The following VPS9D1 variants were observed in gnomAD, a reference collection of about 807,000 sequenced individuals.
VPS9D1 encodes VPS9 domain containing 1.
In VPS9D1, 78 loss-of-function variants were observed where a neutral mutation model predicts 75.8. That is an observed-to-expected ratio of 1.03 (90% CI 0.86 to 1.24). VPS9D1 has a LOEUF of 1.24. Ranked by LOEUF, VPS9D1 falls within the 50% of genes most tolerant of loss-of-function variation. The pLI is 0.00. For missense variants in VPS9D1, 1,057 were observed against 847.7 expected, an observed-to-expected ratio of 1.25 and a Z score of -3.07; for synonymous variants, 481 against 385.6, an observed-to-expected ratio of 1.25 and a Z score of -2.90.
chr16:89,715,526 A>ATTTT (rs756753465), intron 4 of VPS9D1, among the ~76,000 whole-genome samples: 1 of 136,744 alleles, frequency 7.3e-6, no homozygotes, highest in East Asian at 2.2e-4. Flanking sequence ...GCGCCCGGTC[A>ATTTT]TTTTTTTTTT....
chr16:89,709,828 A>G lies in VPS9D1; in HGVS notation c.1337T>C (p.Ile446Thr). The part of the protein sequence containing the change: ...AASKDRCLAC[I>T]EEPFFSPLWP... ...CAGCGGGGAGAAAAAGGGTTCCTCAATGCAGGCCAGGCAGCGGTCCTTGGA... is the reference window on the plus strand; with the variant it reads ...CAGCGGGGAGAAAAAGGGTTCCTCAGTGCAGGCCAGGCAGCGGTCCTTGGA... The change falls in exon 11 of 15, where the codon ATT (isoleucine) becomes ACT (threonine). Residue 446 changes from isoleucine to threonine, a missense_variant. Ile to Thr is a moderately conservative substitution (Grantham distance 89). Transcript: ENST00000389386. 1 of 1,613,824 alleles carries G rather than the reference A, an allele frequency of 6.2e-7. No individual in the cohort carries two copies. The highest frequency in any genetic ancestry group is 8.5e-7 in the Non-Finnish European group (1 of 1,179,922).
Position 89,709,685 on chromosome 16 carries a change from A to G in VPS9D1, c.1388+92T>C. 3.8e-6 allele frequency: 6 copies of G among 1,582,632 alleles called. No individual in the cohort carries two copies. The Middle Eastern group carries it at 8.0e-4, about 212-fold the overall frequency. On this transcript the variant is annotated intron_variant, in intron 11 of 14. Transcript: ENST00000389386. The stretch of plus-strand genomic sequence containing the variant: ...AACACGAGTCTTGGGGATGGAGGGG[A>G]GCAGACAGTGCCAGGGAGCAGGGCA...
At chr16:89,712,429 C>T (rs770158233) in intron 6 of VPS9D1, 31 bp downstream of exon 6, 6 of 1,611,196 alleles carry the variant, frequency 3.7e-6, no homozygotes, top group Middle Eastern at 1.8e-4. Context: ...AGTTTCCCCT[C>T]GGGGACCACC....
chr16:89,719,645 A>C (rs549601687), intron 1 of VPS9D1, among the ~76,000 whole-genome samples: 10 of 152,268 alleles, frequency 6.6e-5, no homozygotes, highest in African/African-American at 1.9e-4. Flanking sequence ...TGCACACAGG[A>C]GCCTAGAACT....
chr16:89,709,963 G>T (rs933996170), intron 10 of VPS9D1, 57 bp from the exon 11 acceptor site: 2 of 1,539,938 alleles, frequency 1.3e-6, no homozygotes, highest in South Asian at 2.5e-5. Context: ...TGGGTCAAGT[G>T]GCTCTAAGCC....
At chr16:89,714,099 G>C (rs1180070215) in intron 4 of VPS9D1, among the ~76,000 whole-genome samples, 1 of 152,060 alleles carries the variant, frequency 6.6e-6, no homozygotes, top group East Asian at 1.9e-4. Flanking sequence ...ACCACGCCCA[G>C]CTAATTTTTG....
chr16:89,720,598 G>T, intron 1 of VPS9D1, 165 bp downstream of exon 1: 1 of 1,226,910 alleles, frequency 8.2e-7, no homozygotes, highest in Non-Finnish European at 1.0e-6. Flanking sequence ...TGCACGCCCG[G>T]CTGCGCCCCG....
chr16:89,712,526 G>T lies in VPS9D1; in HGVS notation c.544-4C>A, dbSNP rs766303373. 3 of 1,612,222 alleles carry T rather than the reference G, an allele frequency of 1.9e-6. No individual in the cohort carries two copies. Among genetic ancestry groups the T allele is most frequent in the Admixed American group, 1.7e-5 (1 of 59,936 alleles). Reference sequence around the variant, plus strand: ...TCTGCCGCTGTAGAGAGAGGGTCTGGGGGGGGAGGAGGGAGTAAGGCCGAC... The same window carrying T: ...TCTGCCGCTGTAGAGAGAGGGTCTGTGGGGGGAGGAGGGAGTAAGGCCGAC... On this transcript the variant is annotated splice_polypyrimidine_tract_variant and splice_region_variant and intron_variant, in intron 5 of 14. Transcript: ENST00000389386.
Position 89,716,788 on chromosome 16 carries a change from C to T in VPS9D1, c.210G>A (p.Lys70=). 1.9e-6 allele frequency: 3 copies of T among 1,592,098 alleles called. No individual in the cohort carries two copies. Among genetic ancestry groups the T allele is most frequent in the Non-Finnish European group, 2.6e-6 (3 of 1,174,066 alleles). ...AGETVPPDTS[K]MLKLAQQCLE... ...GACACTGCTGTGCTAGCTTCAGCAT[C>T]TTGGAGGTGTCGGGGGGCACAGTTT... is the stretch of plus-strand genomic sequence containing the variant. Residue 70 remains lysine, a synonymous_variant, in exon 3 of 15, where the codon AAG becomes AAA. Coordinates refer to ENST00000389386, the MANE Select transcript of VPS9D1 (RefSeq NM_004913.3).
chr16:89,712,725 G>C lies in VPS9D1; in HGVS notation c.432-9C>G. The C allele has an allele frequency of 6.4e-7, 1 of 1,574,500 alleles. No homozygotes were observed. The highest frequency in any genetic ancestry group is 8.6e-7 in the Non-Finnish European group (1 of 1,162,030). ...CCAGTGGCGTCAGCTCTCTGGAAAT[G>C]TGACAAGCTGCTGTCTAGACCCCAG... On this transcript the variant is annotated splice_polypyrimidine_tract_variant and intron_variant, in intron 4 of 14. Transcript: ENST00000389386.
At position 89,713,752 on chromosome 16, in the gene VPS9D1, T is replaced by C. The variant is rs111914047; in HGVS notation, c.432-1036A>G. ...GGCTGGGCACGGTGGCTCACGCCTGTAATCCCAGCACTTTGGGAGGATGAG... is the reference window on the plus strand; with the variant it reads ...GGCTGGGCACGGTGGCTCACGCCTGCAATCCCAGCACTTTGGGAGGATGAG... On this transcript the variant is annotated intron_variant, in intron 4 of 14. Coordinates refer to ENST00000389386, the MANE Select transcript of VPS9D1 (RefSeq NM_004913.3). Among the ~76,000 whole-genome samples the C allele has an allele frequency of 5.1e-3, 778 of 151,234 alleles. 3 individuals carry two copies. The highest frequency in any genetic ancestry group is 0.018 in the African/African-American group (739 of 41,346).
chr16:89,720,569 C>T (rs910901939), intron 1 of VPS9D1, 194 bp downstream of exon 1: 9 of 1,193,638 alleles, frequency 7.5e-6, no homozygotes, highest in Non-Finnish European at 8.3e-6. Context: ...TCCGCAGGAT[C>T]TGAGCTGTCC....
At position 89,710,775 on chromosome 16, in the gene VPS9D1, G is replaced by T. The variant is rs1350962447; in HGVS notation, c.1069C>A (p.Pro357Thr). Reference protein sequence around the residue: ...QDSPPTPPLQPGPVGSPSPLG... With the variant: ...QDSPPTPPLQTGPVGSPSPLG... ...GGTGAGGGAGACCCCACGGGGCCGG[G>T]TTGGAGTGGGGGCGTGGGGGGACTG... Residue 357 changes from proline (P) to threonine (T), a missense_variant, in exon 10 of 15, where the codon CCC becomes ACC. Coordinates refer to ENST00000389386, the MANE Select transcript of VPS9D1 (RefSeq NM_004913.3). 2.6e-6 allele frequency: 4 copies of T among 1,556,146 alleles called. No homozygotes were observed. In the African/African-American group the frequency reaches 4.1e-5, roughly 16 times the overall value.
chr16:89,707,270 AG>A lies in VPS9D1; in HGVS notation c.*590del, dbSNP rs1405395859. On this transcript the variant is annotated 3_prime_UTR_variant, in exon 15 of 15. Transcript: ENST00000389386. Reference sequence around the variant, plus strand: ...TCACAGCCCACAGCCAAGGTGAGTAAGGGGCAGGGAATGTCCTGGGCTCAGA... The same window carrying A: ...TCACAGCCCACAGCCAAGGTGAGTAAGGGCAGGGAATGTCCTGGGCTCAGA... 6.5e-6 allele frequency: 1 copy of A among 152,684 alleles called. No homozygotes were observed. Among genetic ancestry groups the A allele is most frequent in the Non-Finnish European group, 1.5e-5 (1 of 68,410 alleles). 9.5% of individuals were successfully genotyped at this position (152,684 alleles called of 1,614,324 possible).
Position 89,710,929 on chromosome 16 carries a change from T to C in VPS9D1, c.915A>G (p.Arg305=). 1 of 1,485,600 alleles carries C rather than the reference T, an allele frequency of 6.7e-7. No homozygotes were observed. The allele number at this position is 1,485,600 out of a possible 1,614,324, so 92.0% of individuals were successfully genotyped here. ...VYSALYPAVS[R]AAAPAPGCCP... is the part of the protein sequence containing the mutation. ...AGCAGCCTGGGGCTGGCGCGGCTGC[T>C]CTGCTCACGGCGGGATACAGGGCGC... The change falls in exon 10 of 15, where the codon AGA becomes AGG. Residue 305 remains arginine (R), a synonymous_variant. Coordinates refer to ENST00000389386, the MANE Select transcript of VPS9D1 (RefSeq NM_004913.3).
At chr16:89,711,189 C>G in intron 9 of VPS9D1, 138 bp downstream of exon 9, 1 of 1,172,276 alleles carries the variant, frequency 8.5e-7, no homozygotes, top group South Asian at 1.5e-5. Flanking sequence ...ACGCCCTCAG[C>G]GCAAAGGGAG....
At chr16:89,714,081 C>T (rs1372487183) in intron 4 of VPS9D1, among the ~76,000 whole-genome samples, 1 of 151,068 alleles carries the variant, frequency 6.6e-6, no homozygotes, top group Non-Finnish European at 1.5e-5. Flanking sequence ...GGATTACAGG[C>T]ATGTGACACC....
intron 14 of VPS9D1, 33 bp downstream of exon 14, chr16:89,708,394 C>G: frequency 6.3e-7 from 1 of 1,583,220 alleles, no homozygotes; most frequent in East Asian, 2.3e-5. Flanking sequence ...GCTCTTCGCA[C>G]AGAGACCCCC....
intron 6 of VPS9D1, 81 bp from the exon 7 acceptor site, chr16:89,712,180 G>A: frequency 2.0e-6 from 3 of 1,537,012 alleles, no homozygotes; most frequent in Non-Finnish European, 2.6e-6. Flanking sequence ...CGGAGAGGCC[G>A]GGACGTCCCA....
Sources: gnomAD v4.1 joint callset for allele counts (sites outside exome capture counted in the v4.1 genomes callset) on GRCh38, gnomAD v4.1.1 for gene constraint, MANE v1.5 for transcripts, NCBI Gene and HGNC (gene_info 2026-07-23, HGNC 2026-07-21) for gene names.